Variants in ANKRD12 observed in about 807,000 individuals in gnomAD.
ANKRD12 encodes ankyrin repeat domain 12.
Under a neutral mutation model 183.4 loss-of-function variants are expected in ANKRD12, and 85 were observed. The observed-to-expected ratio is 0.46, with a 90% confidence interval of 0.39 to 0.56. The LOEUF is 0.56. Among genes scored for constraint, ANKRD12 ranks in the 20% least tolerant of loss-of-function variants. The probability of loss-of-function intolerance (pLI) is 0.00; values close to 1 mark genes in which losing one functional copy is unlikely to be tolerated. For missense variants in ANKRD12, 2,405 were observed against 2,357.1 expected (o/e 1.02, Z -0.42); for synonymous variants, 914 against 800.2 (o/e 1.14, Z -2.40).
intron 10 of ANKRD12, among the ~76,000 whole-genome samples, chr18:9,274,480 T>TAAATGTTCA (rs1244478616): frequency 2.0e-5 from 3 of 152,156 alleles, no homozygotes; most frequent in Non-Finnish European, 4.4e-5. Context: ...CCATGTATAT[T>TAAATGTTCA]AAATGTTCAA....
At chr18:9,265,237 C>A (rs1458464375) in intron 10 of ANKRD12, among the ~76,000 whole-genome samples, 1 of 152,228 alleles carries the variant, frequency 6.6e-6, no homozygotes, top group Non-Finnish European at 1.5e-5. Flanking sequence ...GAATTCTCTG[C>A]AGACTTAAAT....
intron 6 of ANKRD12, 52 bp from the exon 7 acceptor site, chr18:9,216,706 A>G (rs2036128851): frequency 3.8e-6 from 6 of 1,580,984 alleles, no homozygotes; most frequent in African/African-American, 1.4e-5. Flanking sequence ...TGAAAAGCAT[A>G]TATTTTGAAG....
intron 1 of ANKRD12, among the ~76,000 whole-genome samples, chr18:9,160,598 T>C (rs1482212007): frequency 2.0e-5 from 3 of 152,314 alleles, no homozygotes; most frequent in Admixed American, 1.3e-4. Context: ...AAAAAGTGTT[T>C]TTTTATCACT....
At chr18:9,245,286 CAA>C (rs779175444) in intron 8 of ANKRD12, among the ~76,000 whole-genome samples, 16 of 123,928 alleles carry the variant, frequency 1.3e-4, no homozygotes, top group Non-Finnish European at 2.1e-4. Context: ...CCCATTTCTA[CAA>C]AAAAAAAAAA....
Position 9,257,082 on chromosome 18 carries a change from G to T in ANKRD12, c.3815G>T (p.Arg1272Leu), listed in dbSNP as rs750865713. Residue 1272 changes from arginine (R) to leucine (L), a missense_variant, in exon 9 of 13, where the codon CGG (arginine) becomes CTG (leucine). This residue lies in a region of ANKRD12 where 1,983 missense variants were observed against 1,725.9 expected (regional missense o/e 1.15). Coordinates refer to ENST00000262126, the MANE Select transcript of ANKRD12 (RefSeq NM_015208.5). ...ELDSLADLPE[R>L]IKPPYANRLS... ...GACAGCCTGGCTGACTTGCCGGAGC[G>T]GATTAAACCACCATATGCAAACAGA... is the stretch of plus-strand genomic sequence containing the variant. 6.2e-7 allele frequency: 1 copy of T among 1,614,018 alleles called. No homozygotes were observed. Among genetic ancestry groups the T allele is most frequent in the Non-Finnish European group, 8.5e-7 (1 of 1,179,976 alleles).
In ANKRD12 at chr18:9,136,836, C is replaced by G. The variant is rs1457036243; in HGVS notation, c.-181C>G. On this transcript the variant is annotated 5_prime_UTR_variant, in exon 1 of 13. Transcript: ENST00000262126. Reference sequence around the variant, plus strand: ...GCTGTGGTGAGAGACGGACCGAGACCGGAGATGTTTTCAAGCCCGGCTCCG... The same window carrying G: ...GCTGTGGTGAGAGACGGACCGAGACGGGAGATGTTTTCAAGCCCGGCTCCG... The G allele has an allele frequency of 1.3e-5, 2 of 152,272 alleles. No homozygotes were observed. The highest frequency in any genetic ancestry group is 4.8e-5 in the African/African-American group (2 of 41,448). The allele number at this position is 152,272 out of a possible 1,614,324, so 9.4% of individuals were successfully genotyped here.
At chr18:9,144,066 A>G (rs1035553756) in intron 1 of ANKRD12, among the ~76,000 whole-genome samples, 14 of 152,210 alleles carry the variant, frequency 9.2e-5, no homozygotes, top group African/African-American at 3.4e-4. Flanking sequence ...TACATTAGCT[A>G]ATGCATGAGG....
chr18:9,208,659 AAAG>A lies in ANKRD12; in HGVS notation c.311_313del (p.Glu104del). The A allele has an allele frequency of 6.3e-7, 1 of 1,599,734 alleles. No individual in the cohort carries two copies. The highest frequency in any genetic ancestry group is 8.5e-7 in the Non-Finnish European group (1 of 1,175,432). ...TACATATTTGTTAATAATTCCAGAG[AAAG>A]AAGGTCCAGAAAAGAAGAAGACAAA... On this transcript the variant is annotated inframe_deletion, in exon 5 of 13. Coordinates refer to ENST00000262126, the MANE Select transcript of ANKRD12 (RefSeq NM_015208.5).
At chr18:9,263,649 C>T in intron 9 of ANKRD12, 141 bp from the exon 10 acceptor site, 1 of 483,098 alleles carries the variant, frequency 2.1e-6, no homozygotes, top group Non-Finnish European at 3.4e-6. Flanking sequence ...ACAATCAGTT[C>T]TATAACTAGT....
chr18:9,180,568 T>G (rs2033629146), intron 1 of ANKRD12, among the ~76,000 whole-genome samples: 1 of 152,176 alleles, frequency 6.6e-6, no homozygotes, highest in African/African-American at 2.4e-5. Context: ...TCCATTTTAA[T>G]TTACCTAGTG....
At chr18:9,232,133 G>A (rs903037341) in intron 8 of ANKRD12, among the ~76,000 whole-genome samples, 1 of 151,952 alleles carries the variant, frequency 6.6e-6, no homozygotes, top group African/African-American at 2.4e-5. Context: ...TTTTGTCTTG[G>A]TTGTCCTTGT....
intron 2 of ANKRD12, 95 bp downstream of exon 2, chr18:9,182,614 A>G (rs1263225579): frequency 7.1e-6 from 5 of 701,326 alleles, no homozygotes; most frequent in African/African-American, 1.9e-5. Flanking sequence ...ATAAAAACCA[A>G]TATGGATGCC....
chr18:9,195,628 A>G lies in ANKRD12; in HGVS notation c.165A>G (p.Lys55=). The change falls in exon 3 of 13, where the codon AAA becomes AAG. Residue 55 remains lysine (K), a synonymous_variant. Coordinates refer to ENST00000262126, the MANE Select transcript of ANKRD12 (RefSeq NM_015208.5). ...RSDVSKEMKE[K]SSMKRKLPFT... ...ATGTGAGCAAGGAGATGAAAGAGAA[A>G]TCATCCATGAAACGTAAACTTCCTT... 3.7e-6 allele frequency: 6 copies of G among 1,613,290 alleles called. No individual in the cohort carries two copies. Among genetic ancestry groups the G allele is most frequent in the Non-Finnish European group, 5.1e-6 (6 of 1,179,580 alleles).
At chr18:9,250,958 T>C (rs1012578541) in intron 8 of ANKRD12, among the ~76,000 whole-genome samples, 3 of 152,178 alleles carry the variant, frequency 2.0e-5, no homozygotes, top group African/African-American at 7.2e-5. Context: ...TCCAGGAATA[T>C]CCAGGTTAGT....
Position 9,211,692 on chromosome 18 carries a change from C to T in ANKRD12, c.560C>T (p.Thr187Ile). Residue 187 changes from threonine to isoleucine, a missense_variant, in exon 6 of 13, where the codon ACT becomes ATT. Thr to Ile is a moderately conservative substitution (Grantham distance 89). This residue lies in a region of ANKRD12 where 39 missense variants were observed against 104.8 expected (regional missense o/e 0.37). Coordinates refer to ENST00000262126, the MANE Select transcript of ANKRD12 (RefSeq NM_015208.5). ...KVNKRNERGE[T>I]PLHMAAIRGD... Reference sequence around the variant, plus strand: ...AATAAAAGAAATGAACGTGGTGAAACTCCTTTACACATGGCTGCTATTCGA... The same window carrying T: ...AATAAAAGAAATGAACGTGGTGAAATTCCTTTACACATGGCTGCTATTCGA... 1 of 1,613,782 alleles carries T rather than the reference C, an allele frequency of 6.2e-7. No individual in the cohort carries two copies. The highest frequency in any genetic ancestry group is 8.5e-7 in the Non-Finnish European group (1 of 1,179,830).
chr18:9,146,921 C>T (rs545573900), intron 1 of ANKRD12, among the ~76,000 whole-genome samples: 2 of 152,244 alleles, frequency 1.3e-5, no homozygotes, highest in East Asian at 3.9e-4. Context: ...ACAATTCAGT[C>T]CTGGTATAGT....
At position 9,211,588 on chromosome 18, in the gene ANKRD12, C is replaced by A. The variant is rs750707861; in HGVS notation, c.456C>A (p.Ser152=). Residue 152 remains serine (S), a synonymous_variant, in exon 6 of 13, where the codon TCC becomes TCA. Transcript: ENST00000262126. ...QMTARDNSPD[S]TPNHPSQTTP... ...TAACTTTCTTCTTTCTTACAGATTC[C>A]ACACCAAATCATCCATCACAAACAA... 11 of 1,613,320 alleles carry A rather than the reference C, an allele frequency of 6.8e-6. No homozygotes were observed. The Admixed American group carries it at 1.8e-4, about 27-fold the overall frequency.
Position 9,256,478 on chromosome 18 carries a change from G to A in ANKRD12, c.3211G>A (p.Val1071Met). ...KDTRPKEKRL[V>M]NDDLMQTSFE... ...TACCCGACCTAAAGAAAAGAGGTTA[G>A]TGAATGATGATTTAATGCAGACAAG... Residue 1071 changes from valine (V) to methionine (M), a missense_variant, in exon 9 of 13, where the codon GTG (valine) becomes ATG (methionine). By Grantham distance (21) the Val-to-Met change is conservative (BLOSUM62 1). Transcript: ENST00000262126. 6.2e-7 allele frequency: 1 copy of A among 1,613,570 alleles called. No individual in the cohort carries two copies.
At chr18:9,187,037 A>G (rs2034130116) in intron 2 of ANKRD12, among the ~76,000 whole-genome samples, 1 of 152,128 alleles carries the variant, frequency 6.6e-6, no homozygotes, top group Admixed American at 6.5e-5. Context: ...CTGGGATTAC[A>G]GGCGTGAGCC....
Sources: gnomAD v4.1 joint callset for allele counts (sites outside exome capture counted in the v4.1 genomes callset) on GRCh38, gnomAD v4.1.1 for gene constraint, gnomAD v4.1.1 regional missense constraint, MANE v1.5 for transcripts, NCBI Gene and HGNC (gene_info 2026-07-23, HGNC 2026-07-21) for gene names.